Variants in MGRN1 observed in about 807,000 individuals in gnomAD.
MGRN1 encodes E3 ubiquitin-protein ligase MGRN1.
Under a neutral mutation model 69.2 loss-of-function variants are expected in MGRN1, and 29 were observed. That is an observed-to-expected ratio of 0.42 (90% CI 0.31 to 0.57). The LOEUF (loss-of-function observed/expected upper bound fraction) is 0.57. MGRN1 is among the 20% of genes least tolerant of loss of function. The pLI is 0.15. For synonymous variants in MGRN1, 470 were observed against 344.2 expected, an observed-to-expected ratio of 1.37 and a Z score of -4.04; for missense variants, 998 against 796.2, an observed-to-expected ratio of 1.25 and a Z score of -3.05.
At position 4,674,626 on chromosome 16, in the gene MGRN1, C is replaced by CTTTTTTTT. The variant is rs71139654; in HGVS notation, c.955+987_955+994dup. 1.8e-3 allele frequency among the ~76,000 whole-genome samples: 86 copies of CTTTTTTTT among 47,276 alleles called. 4 individuals carry two copies. Among genetic ancestry groups the CTTTTTTTT allele is most frequent in the African/African-American group, 3.8e-3 (42 of 11,190 alleles). 31.0% of individuals were successfully genotyped at this position (47,276 alleles called of 152,430 possible). On this transcript the variant is annotated intron_variant, in intron 10 of 16. Coordinates refer to ENST00000262370, the MANE Select transcript of MGRN1 (RefSeq NM_015246.4). Reference sequence around the variant, plus strand: ...CTTTTTTTTTCTTTTCTTTTCTTTTCTTTTTTTTTTTTTTTTTTTTTTTTT... The same window carrying CTTTTTTTT: ...CTTTTTTTTTCTTTTCTTTTCTTTTCTTTTTTTTTTTTTTTTTTTTTTTTTTTTTTTTT...
chr16:4,636,215 A>G (rs74005379), intron 1 of MGRN1, among the ~76,000 whole-genome samples: 8,087 of 151,612 alleles, frequency 0.053, 740 homozygotes, highest in African/African-American at 0.19. Context: ...GAGGCCCCCT[A>G]TTGTCCCCTT....
intron 7 of MGRN1, among the ~76,000 whole-genome samples, chr16:4,667,504 A>G (rs963631099): frequency 1.3e-5 from 2 of 152,226 alleles, no homozygotes; most frequent in Non-Finnish European, 2.9e-5. Flanking sequence ...GCAGAGGCAG[A>G]TGGGACATCT....
chr16:4,661,616 G>A (rs2078683394), intron 5 of MGRN1, among the ~76,000 whole-genome samples: 1 of 152,268 alleles, frequency 6.6e-6, no homozygotes. Context: ...CCCTGGGCCA[G>A]TGCCCTGCCA....
intron 1 of MGRN1, among the ~76,000 whole-genome samples, chr16:4,644,003 C>G (rs929138150): frequency 9.2e-5 from 14 of 151,920 alleles, no homozygotes; most frequent in Non-Finnish European, 1.9e-4. Context: ...GATGGAGTCT[C>G]GCTCTGTTGC....
At chr16:4,625,070 C>G (rs1271111210) in intron 1 of MGRN1, 22 bp downstream of exon 1, 1 of 1,523,308 alleles carries the variant, frequency 6.6e-7, no homozygotes, top group Non-Finnish European at 8.8e-7. Context: ...GCCCCAGGCG[C>G]GGACTGCTAG....
chr16:4,625,410 C>G lies in MGRN1; in HGVS notation c.88+362C>G, dbSNP rs117324345. ...GCGCATCGCTTCTGCCTAGAAAACT[C>G]TCATTGTCATCAGATTGACCTCACC... On this transcript the variant is annotated intron_variant, in intron 1 of 16. Coordinates refer to ENST00000262370, the MANE Select transcript of MGRN1 (RefSeq NM_015246.4). Among the ~76,000 whole-genome samples, 105 of 152,362 alleles carry G rather than the reference C, an allele frequency of 6.9e-4. 1 individual carries two copies. In the East Asian group the frequency reaches 0.012, roughly 18 times the overall value.
At position 4,682,951 on chromosome 16, in the gene MGRN1, G is replaced by A; in HGVS notation, c.1482+5G>A. ...CGGGAAAGCAGCTCCCCTGAGGTGA[G>A]GCCCCCCCGGGGAAGCTTTGCGCAC... On this transcript the variant is annotated splice_donor_5th_base_variant and intron_variant, in intron 14 of 16. Coordinates refer to ENST00000262370, the MANE Select transcript of MGRN1 (RefSeq NM_015246.4). 1 of 1,554,060 alleles carries A rather than the reference G, an allele frequency of 6.4e-7. No individual in the cohort carries two copies. Among genetic ancestry groups the A allele is most frequent in the Non-Finnish European group, 8.7e-7 (1 of 1,147,108 alleles).
intron 16 of MGRN1, among the ~76,000 whole-genome samples, chr16:4,684,438 G>C (rs563627603): frequency 2.0e-5 from 3 of 152,234 alleles, no homozygotes; most frequent in African/African-American, 7.2e-5. Flanking sequence ...GGTAGCGGGG[G>C]CCCTGGGCCA....
At chr16:4,677,877 C>T (rs1481643331) in intron 11 of MGRN1, among the ~76,000 whole-genome samples, 2 of 142,584 alleles carry the variant, frequency 1.4e-5, no homozygotes, top group Non-Finnish European at 1.5e-5. Flanking sequence ...GGGTCTCGGT[C>T]TGTCACCGAG....
intron 1 of MGRN1, chr16:4,639,707 C>T (rs753451919): frequency 3.3e-5 from 5 of 152,346 alleles, no homozygotes; most frequent in South Asian, 4.1e-4. Context: ...GATCTGAGCC[C>T]GGCCTCTTTC....
Position 4,648,441 on chromosome 16 carries a change from C to T in MGRN1, c.89-1924C>T, listed in dbSNP as rs1451938946. 6.6e-5 allele frequency among the ~76,000 whole-genome samples: 8 copies of T among 120,304 alleles called. 1 individual carries two copies. Among genetic ancestry groups the T allele is most frequent in the African/African-American group, 2.4e-4 (6 of 25,288 alleles). The allele number at this position is 120,304 out of a possible 152,430, so 78.9% of individuals were successfully genotyped here. On this transcript the variant is annotated intron_variant, in intron 1 of 16. Coordinates refer to ENST00000262370, the MANE Select transcript of MGRN1 (RefSeq NM_015246.4). ...GGCTCTTCCCGTGGTCACCCGGCTCCTCCTCTCGGGGACTCTTCCCGTGGT... is the reference window on the plus strand; with the variant it reads ...GGCTCTTCCCGTGGTCACCCGGCTCTTCCTCTCGGGGACTCTTCCCGTGGT...
At chr16:4,668,062 C>T (rs370234778) in intron 7 of MGRN1, among the ~76,000 whole-genome samples, 13 of 151,864 alleles carry the variant, frequency 8.6e-5, no homozygotes, top group African/African-American at 3.1e-4. Context: ...GATAGTTGCA[C>T]AGCCAGGCCT....
At chr16:4,656,858 C>A (rs894124779) in intron 4 of MGRN1, among the ~76,000 whole-genome samples, 1 of 151,484 alleles carries the variant, frequency 6.6e-6, no homozygotes, top group Non-Finnish European at 1.5e-5. Flanking sequence ...CCAGCCCAGG[C>A]GACAGAGCGA....
At chr16:4,667,475 G>C (rs1181346996) in intron 7 of MGRN1, among the ~76,000 whole-genome samples, 1 of 152,224 alleles carries the variant, frequency 6.6e-6, no homozygotes, top group African/African-American at 2.4e-5. Context: ...GGTGACTATT[G>C]ACACATCTGC....
intron 10 of MGRN1, among the ~76,000 whole-genome samples, chr16:4,676,689 C>A (rs914500123): frequency 6.6e-6 from 1 of 152,136 alleles, no homozygotes; most frequent in African/African-American, 2.4e-5. Context: ...GTTTCCTGGC[C>A]TGCACACGTC....
intron 8 of MGRN1, chr16:4,671,182 C>A (rs1460706586): frequency 3.4e-6 from 2 of 588,352 alleles, no homozygotes; most frequent in Admixed American, 3.0e-5. Context: ...GGGAGAGCCA[C>A]CGGCTCCAGC....
intron 1 of MGRN1, among the ~76,000 whole-genome samples, chr16:4,644,860 C>T (rs1008270490): frequency 1.3e-5 from 2 of 152,148 alleles, no homozygotes; most frequent in African/African-American, 2.4e-5. Context: ...TTCAGTCATG[C>T]AACCATTACC....
intron 12 of MGRN1, chr16:4,680,363 T>C: frequency 2.3e-6 from 1 of 432,450 alleles, no homozygotes; most frequent in Non-Finnish European, 4.2e-6. Flanking sequence ...GCCGTTTCCC[T>C]TTTTTTTCTT....
rs959122392 is a variant in MGRN1 at position 4,653,887 on chromosome 16, G to T, written c.443+1063G>T. Among the ~76,000 whole-genome samples, 4 of 152,254 alleles carry T rather than the reference G, an allele frequency of 2.6e-5. No individual in the cohort carries two copies. In the East Asian group the frequency reaches 7.7e-4, roughly 29 times the overall value. On this transcript the variant is annotated intron_variant, in intron 4 of 16. Transcript: ENST00000262370. ...CCTGCCTCAGCCTCCCGAGTAGCTGGGATTACAGGCATATGCTACCATGCC... is the reference window on the plus strand; with the variant it reads ...CCTGCCTCAGCCTCCCGAGTAGCTGTGATTACAGGCATATGCTACCATGCC...
Sources: gnomAD v4.1 joint callset for allele counts (sites outside exome capture counted in the v4.1 genomes callset) on GRCh38, gnomAD v4.1.1 for gene constraint, MANE v1.5 for transcripts, NCBI Gene and HGNC (gene_info 2026-07-23, HGNC 2026-07-21) for gene names.